The following FUT9 variants were observed in gnomAD, a reference collection of about 807,000 sequenced individuals.
The protein encoded by FUT9 is 4-galactosyl-N-acetylglucosaminide 3-alpha-L-fucosyltransferase 9.
In FUT9, 15 loss-of-function variants were observed where a neutral mutation model predicts 29.7. That is an observed-to-expected ratio of 0.51 (90% CI 0.34 to 0.78). The LOEUF is 0.78. FUT9 is among the 30% of genes least tolerant of loss of function. FUT9 has a pLI of 0.01. For missense variants in FUT9, 319 were observed against 425.4 expected (o/e 0.75, Z 2.20); for synonymous variants, 169 against 153.7 (o/e 1.10, Z -0.74).
rs558129777 is a variant in FUT9, at chr6:96,203,144, G to A, written c.-8-4G>A. The A allele has an allele frequency of 3.3e-5, 52 of 1,564,006 alleles. No homozygotes were observed. The highest frequency in any genetic ancestry group is 2.5e-4 in the African/African-American group (18 of 73,374). ...CTCCCCTTCTGTCTTTCTCTATTTC[G>A]TAGGAAAAATTATGACATCAACATC... On this transcript the variant is annotated splice_region_variant and splice_polypyrimidine_tract_variant and intron_variant, in intron 2 of 2. Coordinates refer to ENST00000302103, the MANE Select transcript of FUT9 (RefSeq NM_006581.4).
chr6:96,203,059 T>C lies in FUT9; in HGVS notation c.-8-89T>C. 4.2e-6 allele frequency: 4 copies of C among 961,690 alleles called. No individual in the cohort carries two copies. The South Asian group carries it at 7.6e-5, about 18-fold the overall frequency. The allele number at this position is 961,690 out of a possible 1,614,324, so 59.6% of individuals were successfully genotyped here. A position where few individuals can be genotyped will look rare whatever the true frequency, so the allele number is the denominator to read the frequency against. The stretch of plus-strand genomic sequence containing the variant: ...TTGATTACTACTTGTTTATCTCATA[T>C]TTATGATTTTAAATATATCTCCAAT... On this transcript the variant is annotated intron_variant, in intron 2 of 2. Coordinates refer to ENST00000302103, the MANE Select transcript of FUT9 (RefSeq NM_006581.4).
At chr6:96,067,244 C>T (rs1263746562) in intron 1 of FUT9, among the ~76,000 whole-genome samples, 2 of 151,258 alleles carry the variant, frequency 1.3e-5, no homozygotes, top group African/African-American at 4.9e-5. Flanking sequence ...CGCACATACT[C>T]ATGTTTAGGT....
intron 2 of FUT9, among the ~76,000 whole-genome samples, chr6:96,131,939 G>A (rs1457326606): frequency 1.3e-5 from 2 of 152,034 alleles, no homozygotes; most frequent in Non-Finnish European, 2.9e-5. Context: ...TATCATCACA[G>A]TTCTATGAAG....
intron 1 of FUT9, among the ~76,000 whole-genome samples, chr6:96,053,838 G>T (rs939614258): frequency 1.3e-5 from 2 of 152,014 alleles, no homozygotes; most frequent in African/African-American, 4.8e-5. Context: ...TTCGGTATTT[G>T]CTTGGCTAAA....
At chr6:96,035,031 T>A (rs1422864204) in intron 1 of FUT9, among the ~76,000 whole-genome samples, 5 of 151,718 alleles carry the variant, frequency 3.3e-5, no homozygotes, top group Non-Finnish European at 5.9e-5. Flanking sequence ...AAAGCTCTGA[T>A]AAAAGAGGGA....
At chr6:96,063,010 G>C (rs1402597922) in intron 1 of FUT9, among the ~76,000 whole-genome samples, 1 of 152,140 alleles carries the variant, frequency 6.6e-6, no homozygotes, top group Non-Finnish European at 1.5e-5. Flanking sequence ...AGGGAATTTG[G>C]TGTAATTTCC....
chr6:96,198,962 C>CAACTGGAG (rs1773680141), intron 2 of FUT9, among the ~76,000 whole-genome samples: 1 of 151,846 alleles, frequency 6.6e-6, no homozygotes, highest in African/African-American at 2.4e-5. Context: ...TCTTAAAGAA[C>CAACTGGAG]GACTGGAGGT....
At chr6:96,074,884 T>G (rs1240273791) in intron 1 of FUT9, among the ~76,000 whole-genome samples, 2 of 152,048 alleles carry the variant, frequency 1.3e-5, no homozygotes, top group Non-Finnish European at 2.9e-5. Context: ...TCAAGTGATC[T>G]TTCTGCCTCA....
At position 96,212,607 on chromosome 6, in the gene FUT9, A is replaced by C; in HGVS notation, c.*8372A>C. 1 of 346,630 alleles carries C rather than the reference A, an allele frequency of 2.9e-6. No homozygotes were observed. Among genetic ancestry groups the C allele is most frequent in the Non-Finnish European group, 5.4e-6 (1 of 184,790 alleles). 21.5% of individuals were successfully genotyped at this position (346,630 alleles called of 1,614,324 possible). A position where few individuals can be genotyped will look rare whatever the true frequency, so the allele number is the denominator to read the frequency against. The stretch of plus-strand genomic sequence containing the variant: ...ACAATATAAAATGGCATTGTTATAG[A>C]ATCCCTAAAAGGTAAATAATGTATG... On this transcript the variant is annotated 3_prime_UTR_variant, in exon 3 of 3. Transcript: ENST00000302103.
chr6:96,121,151 T>A (rs1347588977), intron 2 of FUT9, among the ~76,000 whole-genome samples: 1 of 152,142 alleles, frequency 6.6e-6, no homozygotes, highest in Non-Finnish European at 1.5e-5. Flanking sequence ...TAATTTACTT[T>A]TGCCTTGATA....
At chr6:96,144,103 G>A (rs1224763386) in intron 2 of FUT9, among the ~76,000 whole-genome samples, 6 of 152,112 alleles carry the variant, frequency 3.9e-5, no homozygotes, top group African/African-American at 1.2e-4. Context: ...ATGTTTTCTC[G>A]ACATGGAGGC....
intron 1 of FUT9, among the ~76,000 whole-genome samples, chr6:96,068,597 C>A (rs1008964199): frequency 6.6e-6 from 1 of 152,042 alleles, no homozygotes; most frequent in African/African-American, 2.4e-5. Context: ...TGATTAGCAT[C>A]TGAATAAATT....
chr6:96,087,263 G>T (rs1771331376), intron 1 of FUT9, among the ~76,000 whole-genome samples: 1 of 151,780 alleles, frequency 6.6e-6, no homozygotes, highest in Non-Finnish European at 1.5e-5. Flanking sequence ...CAGATTTGTG[G>T]TGTATATTTT....
intron 2 of FUT9, among the ~76,000 whole-genome samples, chr6:96,134,539 T>C (rs999253964): frequency 6.6e-6 from 1 of 151,888 alleles, no homozygotes; most frequent in African/African-American, 2.4e-5. Context: ...ATATGATAAA[T>C]TTCTCCTTCA....
chr6:96,092,691 T>C (rs1265552805), intron 1 of FUT9, among the ~76,000 whole-genome samples: 1 of 152,178 alleles, frequency 6.6e-6, no homozygotes, highest in Non-Finnish European at 1.5e-5. Context: ...TTAAATAACT[T>C]ATCTTTCAGC....
chr6:96,114,321 G>A (rs1339915139), intron 2 of FUT9, among the ~76,000 whole-genome samples, 194 bp downstream of exon 2: 1 of 151,908 alleles, frequency 6.6e-6, no homozygotes, highest in African/African-American at 2.4e-5. Flanking sequence ...CAAAGTTAAA[G>A]TTAAAAATAA....
Position 96,188,642 on chromosome 6 carries a change from T to TAC in FUT9, c.-8-14505_-8-14504insCA, listed in dbSNP as rs148764901. On this transcript the variant is annotated intron_variant, in intron 2 of 2. Transcript: ENST00000302103. Reference sequence around the variant, plus strand: ...TGGCATATAGAAAGAAATATATATATATGTGTGTGTGTGTGTGTGTTTAAA... The same window carrying TAC: ...TGGCATATAGAAAGAAATATATATATACATGTGTGTGTGTGTGTGTGTTTAAA... Among the ~76,000 whole-genome samples, 694 of 150,090 alleles carry TAC rather than the reference T, an allele frequency of 4.6e-3. 6 individuals are homozygous for TAC. Among genetic ancestry groups the TAC allele is most frequent in the Non-Finnish European group, 7.2e-3 (489 of 67,534 alleles).
intron 2 of FUT9, among the ~76,000 whole-genome samples, chr6:96,147,949 C>T (rs553699065): frequency 5.0e-4 from 75 of 151,296 alleles, no homozygotes; most frequent in Admixed American, 1.1e-3. Flanking sequence ...GGTAAAAGAA[C>T]CACCGAACAT....
chr6:96,208,899 A>AT lies in FUT9; in HGVS notation c.*4674dup, dbSNP rs5878427. On this transcript the variant is annotated 3_prime_UTR_variant, in exon 3 of 3. Coordinates refer to ENST00000302103, the MANE Select transcript of FUT9 (RefSeq NM_006581.4). ...GTATTGCAATCAGTCAATTAAGGTGATTTTTTTTTTCTGGATGTCTCAATC... is the reference window on the plus strand; with the variant it reads ...GTATTGCAATCAGTCAATTAAGGTGATTTTTTTTTTTCTGGATGTCTCAATC... 0.9 allele frequency: 145,639 copies of AT among 161,942 alleles called. 66,613 individuals carry two copies. The highest frequency in any genetic ancestry group is 0.99 in the Non-Finnish European group (66,900 of 67,332). The allele number at this position is 161,942 out of a possible 1,614,324, so 10.0% of individuals were successfully genotyped here.
Sources: gnomAD v4.1 joint callset for allele counts (sites outside exome capture counted in the v4.1 genomes callset) on GRCh38, gnomAD v4.1.1 for gene constraint, MANE v1.5 for transcripts, NCBI Gene and HGNC (gene_info 2026-07-23, HGNC 2026-07-21) for gene names.